The following RIMS3 variants were observed in gnomAD, a reference collection of about 807,000 sequenced individuals.
RIMS3 encodes regulating synaptic membrane exocytosis 3, also known as regulating synaptic membrane exocytosis protein 3.
In RIMS3, 15 loss-of-function variants were observed where a neutral mutation model predicts 29.2. The observed-to-expected ratio is 0.51, with a 90% CI of 0.34 to 0.79. The LOEUF is 0.79. Among genes scored for constraint, RIMS3 ranks in the 30% least tolerant of loss-of-function variants. The probability of loss-of-function intolerance (pLI) is 0.01; values close to 1 mark genes in which losing one functional copy is unlikely to be tolerated. For missense variants in RIMS3, 342 were observed against 421.4 expected (o/e 0.81, Z 1.65); for synonymous variants, 161 against 170.1 (o/e 0.95, Z 0.41).
intron 7 of RIMS3, 98 bp from the exon 8 acceptor site, chr1:40,626,827 G>C (rs1646457875): frequency 3.9e-6 from 4 of 1,037,772 alleles, no homozygotes; most frequent in Non-Finnish European, 6.0e-6. Flanking sequence ...GGCACAGATG[G>C]AGCAGAGGGA....
At chr1:40,649,685 C>G (rs1173214358) in intron 1 of RIMS3, among the ~76,000 whole-genome samples, 1 of 152,212 alleles carries the variant, frequency 6.6e-6, no homozygotes, top group African/African-American at 2.4e-5. Context: ...AGGAGCTCAT[C>G]GGTGAGGTTT....
chr1:40,682,741 C>CTTTTTTTTTTTTTTTCTTTTTTTTTTTTT, the RIMS3 span, among the ~76,000 whole-genome samples: 1 of 77,514 alleles, frequency 1.3e-5, no homozygotes, highest in Non-Finnish European at 2.5e-5. Context: ...CTTTGCAGAT[C>CTTTTTTTTTTTTTTTCTTTTTTTTTTTTT]TTTTTTTTTT....
upstream of RIMS3, among the ~76,000 whole-genome samples, chr1:40,670,338 T>C (rs1393781231): frequency 6.6e-6 from 1 of 151,448 alleles, no homozygotes; most frequent in African/African-American, 2.4e-5. Context: ...GACAGGGAGA[T>C]CTTTGAATGC....
At chr1:40,690,524 G>A in the RIMS3 span, 1 of 152,156 alleles carries the variant, frequency 6.6e-6, no homozygotes, top group African/African-American at 2.4e-5. Context: ...CCAAAAGTTA[G>A]GAATTAGATC....
chr1:40,657,695 C>T (rs1339600174), intron 1 of RIMS3, among the ~76,000 whole-genome samples: 3 of 148,594 alleles, frequency 2.0e-5, no homozygotes, highest in South Asian at 4.2e-4. Flanking sequence ...TGCAGTGAGC[C>T]GTGACCCAGC....
chr1:40,633,235 A>G (rs1360894684), intron 4 of RIMS3, 54 bp from the exon 5 acceptor site: 1 of 1,413,032 alleles, frequency 7.1e-7, no homozygotes, highest in Admixed American at 1.7e-5. Context: ...CTGAGGATGA[A>G]AGTATAGCTG....
chr1:40,687,323 CA>C, the RIMS3 span, among the ~76,000 whole-genome samples: 119,254 of 151,958 alleles, frequency 0.78, 47,408 homozygotes, highest in African/African-American at 0.9. Flanking sequence ...AAATTTAGGC[CA>C]GGGGCGGTGG....
intron 2 of RIMS3, among the ~76,000 whole-genome samples, chr1:40,647,096 G>C (rs1305465322): frequency 6.6e-6 from 1 of 152,086 alleles, no homozygotes; most frequent in African/African-American, 2.4e-5. Context: ...GGCCAGGCTG[G>C]TCTCGAACTC....
At chr1:40,639,941 T>C (rs1274016634) in intron 3 of RIMS3, among the ~76,000 whole-genome samples, 1 of 152,170 alleles carries the variant, frequency 6.6e-6, no homozygotes, top group Admixed American at 6.5e-5. Flanking sequence ...ATCATTCATC[T>C]CTTCTCAAGA....
intron 1 of RIMS3, among the ~76,000 whole-genome samples, chr1:40,656,572 T>A (rs1189531964): frequency 6.6e-6 from 1 of 151,844 alleles, no homozygotes; most frequent in East Asian, 1.9e-4. Flanking sequence ...TCAACTGAGG[T>A]CGGGAGTTCA....
Position 40,623,141 on chromosome 1 carries a change from C to G in RIMS3, c.*3376G>C, listed in dbSNP as rs1422247463. ...TGGCCTTTCTTGGAGCTCCTGGGTT[C>G]TGCCTCAGCCCCCATGAAATGCTGG... On this transcript the variant is annotated 3_prime_UTR_variant, in exon 8 of 8. Coordinates refer to ENST00000372684, the MANE Select transcript of RIMS3 (RefSeq NM_014747.3). 3.0e-6 allele frequency: 1 copy of G among 336,754 alleles called. No individual in the cohort carries two copies. The highest frequency in any genetic ancestry group is 2.1e-5 in the African/African-American group (1 of 47,454). 20.9% of individuals were successfully genotyped at this position (336,754 alleles called of 1,614,324 possible).
intron 1 of RIMS3, among the ~76,000 whole-genome samples, chr1:40,648,137 T>C (rs1309500241): frequency 6.6e-6 from 1 of 152,138 alleles, no homozygotes; most frequent in Admixed American, 6.5e-5. Context: ...CTCTAGACCC[T>C]ATCCTTCCTT....
chr1:40,680,340 T>TG, the RIMS3 span, among the ~76,000 whole-genome samples: 3 of 150,928 alleles, frequency 2.0e-5, no homozygotes, highest in South Asian at 6.3e-4. Flanking sequence ...GTTTTTTTTT[T>TG]TTTTTTTTTA....
At chr1:40,647,087 G>T (rs1228919880) in intron 2 of RIMS3, among the ~76,000 whole-genome samples, 1 of 152,048 alleles carries the variant, frequency 6.6e-6, no homozygotes, top group Admixed American at 6.6e-5. Flanking sequence ...TGCCATATTG[G>T]CCAGGCTGGT....
intron 1 of RIMS3, among the ~76,000 whole-genome samples, chr1:40,651,093 C>T (rs1646629512): frequency 6.6e-6 from 1 of 152,082 alleles, no homozygotes; most frequent in African/African-American, 2.4e-5. Flanking sequence ...TTGTACTGTC[C>T]CTGTGTGTTA....
the RIMS3 span, among the ~76,000 whole-genome samples, chr1:40,680,701 A>G: frequency 2.1e-4 from 32 of 152,218 alleles, no homozygotes; most frequent in Non-Finnish European, 2.2e-4. Flanking sequence ...AAAAAGTTTC[A>G]TAGTAATTTT....
chr1:40,628,655 C>T (rs1168624099), intron 7 of RIMS3, among the ~76,000 whole-genome samples, 155 bp downstream of exon 7: 1 of 152,184 alleles, frequency 6.6e-6, no homozygotes, highest in Non-Finnish European at 1.5e-5. Context: ...CAACTGGGGA[C>T]AGTAATACCT....
At chr1:40,638,592 C>G (rs576532044) in intron 3 of RIMS3, among the ~76,000 whole-genome samples, 25 of 152,340 alleles carry the variant, frequency 1.6e-4, no homozygotes, top group African/African-American at 6.0e-4. Context: ...TCTCTCTACC[C>G]TGACCCAGAT....
the RIMS3 span, among the ~76,000 whole-genome samples, chr1:40,682,739 A>ATTTTTTTTTTTTTT: frequency 1.1e-4 from 5 of 46,478 alleles, no homozygotes; most frequent in African/African-American, 3.5e-4. Flanking sequence ...CCCTTTGCAG[A>ATTTTTTTTTTTTTT]TCTTTTTTTT....
Sources: gnomAD v4.1 joint callset for allele counts (sites outside exome capture counted in the v4.1 genomes callset) on GRCh38, gnomAD v4.1.1 for gene constraint, MANE v1.5 for transcripts, NCBI Gene and HGNC (gene_info 2026-07-23, HGNC 2026-07-21) for gene names.